Variants in IL12RB1 observed in about 807,000 individuals in gnomAD.
The protein encoded by IL12RB1 is interleukin-12 receptor subunit beta-1.
In IL12RB1, 64 loss-of-function variants were observed where a neutral mutation model predicts 94.4. The ratio of observed to expected loss-of-function variants is 0.68; its 90% CI spans 0.55 to 0.83. IL12RB1 has a LOEUF of 0.83. IL12RB1 is among the 40% of genes least tolerant of loss of function. The pLI is 0.00. For missense variants in IL12RB1, 814 were observed against 855.6 expected, an observed-to-expected ratio of 0.95 and a Z score of 0.61; for synonymous variants, 362 against 355.5, an observed-to-expected ratio of 1.02 and a Z score of -0.21.
upstream of IL12RB1, among the ~76,000 whole-genome samples, chr19:18,088,804 C>T (rs527770002): frequency 6.6e-6 from 1 of 151,888 alleles, no homozygotes; most frequent in African/African-American, 2.4e-5. Context: ...CCGAGGTGGG[C>T]GGATCACCTG....
At position 18,098,266 on chromosome 19, in the gene IL12RB1, G is replaced by A. The variant is rs149083010; in HGVS notation, c.-230+489C>T. On this transcript the variant is annotated intron_variant, in intron 1 of 4. Transcript: ENST00000594176. ...CTGTACACCCTCAGCTCAGCCCTAC[G>A]ACGACCTGGGGAGGTTGGGGCTGTC... 2.1e-3 allele frequency among the ~76,000 whole-genome samples: 314 copies of A among 152,220 alleles called. 1 individual carries two copies. Among genetic ancestry groups the A allele is most frequent in the Middle Eastern group, 0.01 (3 of 294 alleles).
rs112031784 is a variant in IL12RB1, at chr19:18,067,666, G to A, written c.1327+723C>T. Among the ~76,000 whole-genome samples the A allele has an allele frequency of 2.9e-3, 444 of 152,212 alleles. 1 individual carries two copies. Among genetic ancestry groups the A allele is most frequent in the African/African-American group, 8.7e-3 (362 of 41,530 alleles). On this transcript the variant is annotated intron_variant, in intron 11 of 16. Coordinates refer to ENST00000593993, the MANE Select transcript of IL12RB1 (RefSeq NM_005535.3). The stretch of plus-strand genomic sequence containing the variant: ...AAGATACAAAAAATTATCCAGGCAT[G>A]GTAGTGCACACCTATAATCCCAGCT...
intron 9 of IL12RB1, 78 bp from the exon 10 acceptor site, chr19:18,069,791 C>T (rs2034883484): frequency 9.8e-7 from 1 of 1,023,664 alleles, no homozygotes. Context: ...CCTGCAGCCT[C>T]TCTCCCACCC....
upstream of IL12RB1, among the ~76,000 whole-genome samples, chr19:18,087,276 C>T (rs1429500103): frequency 6.7e-6 from 1 of 150,246 alleles, no homozygotes; most frequent in African/African-American, 2.5e-5. Flanking sequence ...GTGGCATGAT[C>T]TCCACTCACT....
intron 5 of IL12RB1, 23 bp downstream of exon 5, chr19:18,077,493 C>T: frequency 6.3e-7 from 1 of 1,594,744 alleles, no homozygotes; most frequent in Non-Finnish European, 8.6e-7. Context: ...CGTGTCCACC[C>T]TGGACTTGGG....
At position 18,086,915 on chromosome 19, in the gene IL12RB1, C is replaced by G; in HGVS notation, c.-92G>C. 6.4e-7 allele frequency: 1 copy of G among 1,566,176 alleles called. No individual in the cohort carries two copies. On this transcript the variant is annotated 5_prime_UTR_variant, in exon 1 of 17. Transcript: ENST00000593993. ...GTCCCCACTCCGGAACACATTGAAG[C>G]TGAGCAAGGAGAAAAGACTGAAAAA... is the stretch of plus-strand genomic sequence containing the variant.
chr19:18,071,576 C>A (rs2035045687), intron 9 of IL12RB1, among the ~76,000 whole-genome samples: 1 of 151,910 alleles, frequency 6.6e-6, no homozygotes, highest in Admixed American at 6.6e-5. Flanking sequence ...TGCTTGAGCC[C>A]AGAAGTTCAA....
At chr19:18,079,769 C>T (rs1357259403) in intron 4 of IL12RB1, among the ~76,000 whole-genome samples, 2 of 151,970 alleles carry the variant, frequency 1.3e-5, no homozygotes, top group Non-Finnish European at 2.9e-5. Context: ...CGGTGGCGGG[C>T]GCCTGTAGTC....
At chr19:18,067,325 A>AG (rs2034658794) in intron 11 of IL12RB1, among the ~76,000 whole-genome samples, 1 of 115,036 alleles carries the variant, frequency 8.7e-6, no homozygotes, top group Non-Finnish European at 1.7e-5. Flanking sequence ...CTCTGTCTCA[A>AG]GAAAAAAAAA....
chr19:18,097,396 A>G (rs534897063), intron 1 of IL12RB1, among the ~76,000 whole-genome samples: 1 of 151,880 alleles, frequency 6.6e-6, no homozygotes, highest in African/African-American at 2.4e-5. Context: ...ACAGGGTTTC[A>G]CCATGTTGGC....
chr19:18,069,777 G>A, intron 9 of IL12RB1, 64 bp from the exon 10 acceptor site: 1 of 1,192,718 alleles, frequency 8.4e-7, no homozygotes, highest in East Asian at 2.3e-5. Flanking sequence ...CCCCTTCTCT[G>A]GCTCCTGCAG....
chr19:18,073,163 T>C (rs1568501786), intron 8 of IL12RB1, among the ~76,000 whole-genome samples: 1 of 152,094 alleles, frequency 6.6e-6, no homozygotes, highest in South Asian at 2.1e-4. Flanking sequence ...CTAATCAGAC[T>C]GCACTTAATG....
chr19:18,082,088 AG>A, intron 3 of IL12RB1, 61 bp downstream of exon 3: 2 of 995,538 alleles, frequency 2.0e-6, no homozygotes, highest in Non-Finnish European at 3.2e-6. Context: ...GGGGCACCAG[AG>A]GGGGTTGAAG....
Position 18,059,588 on chromosome 19 carries a change from C to T in IL12RB1, c.*20G>A, listed in dbSNP as rs775757288. The stretch of plus-strand genomic sequence containing the variant: ...TACGTAGCCTCGGGCGAGTCACTCA[C>T]CCTCTCTGAGCCTCAACGATCACAT... On this transcript the variant is annotated 3_prime_UTR_variant, in exon 17 of 17. Transcript: ENST00000593993. 2.4e-5 allele frequency: 19 copies of T among 780,268 alleles called. No individual in the cohort carries two copies. Among genetic ancestry groups the T allele is most frequent in the South Asian group, 1.7e-4 (13 of 74,508 alleles). The allele number at this position is 780,268 out of a possible 1,614,324, so 48.3% of individuals were successfully genotyped here.
upstream of IL12RB1, among the ~76,000 whole-genome samples, chr19:18,090,226 G>A (rs954220852): frequency 1.2e-4 from 19 of 152,102 alleles, no homozygotes; most frequent in Non-Finnish European, 4.4e-5. Flanking sequence ...CATGGTGGCA[G>A]GTGCCTGTAG....
chr19:18,079,941 C>A (rs1250381160), intron 4 of IL12RB1, among the ~76,000 whole-genome samples: 2 of 152,162 alleles, frequency 1.3e-5, no homozygotes, highest in Non-Finnish European at 2.9e-5. Context: ...TAAGTGAGAT[C>A]ATGAAATGTT....
intron 4 of IL12RB1, among the ~76,000 whole-genome samples, chr19:18,078,261 G>A (rs1352938219): frequency 6.6e-6 from 1 of 151,946 alleles, no homozygotes; most frequent in Non-Finnish European, 1.5e-5. Context: ...ACAAAAATTA[G>A]CCAGGCATGG....
intron 16 of IL12RB1, 34 bp downstream of exon 16, chr19:18,059,860 A>T: frequency 8.0e-7 from 1 of 1,242,894 alleles, no homozygotes; most frequent in Non-Finnish European, 1.2e-6. Context: ...GCAGGGTTGC[A>T]CCCCTGACCG....
chr19:18,060,316 T>C (rs963726893), intron 15 of IL12RB1, among the ~76,000 whole-genome samples: 1 of 152,036 alleles, frequency 6.6e-6, no homozygotes. Context: ...CCATCTCTAC[T>C]AAAAATACAA....
Sources: allele counts gnomAD v4.1 joint callset (sites outside exome capture counted in the v4.1 genomes callset), GRCh38; gene constraint gnomAD v4.1.1; transcripts MANE v1.5; gene names NCBI Gene and HGNC (gene_info 2026-07-23, HGNC 2026-07-21).